The following HCK variants were observed in gnomAD, a reference collection of about 807,000 sequenced individuals.
The protein encoded by HCK is HCK proto-oncogene, Src family tyrosine kinase, also known as tyrosine-protein kinase HCK.
Under a neutral mutation model 70.4 loss-of-function variants are expected in HCK, and 40 were observed. The observed-to-expected ratio is 0.57, with a 90% CI of 0.44 to 0.74. The LOEUF is 0.74. HCK is among the 30% of genes least tolerant of loss of function. The probability of loss-of-function intolerance (pLI) is 0.00; values close to 1 mark genes in which losing one functional copy is unlikely to be tolerated. For synonymous variants in HCK, 245 were observed against 263.2 expected (o/e 0.93, Z 0.67); for missense variants, 568 against 697.2 (o/e 0.81, Z 2.09).
chr20:32,074,564 G>A (rs2045594014), intron 4 of HCK, 59 bp from the exon 5 acceptor site: 8 of 1,285,674 alleles, frequency 6.2e-6, no homozygotes, highest in Non-Finnish European at 7.9e-6. Flanking sequence ...TGGGGAGCTT[G>A]AGGAGACTGG....
intron 5 of HCK, among the ~76,000 whole-genome samples, chr20:32,076,004 C>T (rs939063051): frequency 2.6e-5 from 4 of 152,042 alleles, no homozygotes; most frequent in East Asian, 1.9e-4. Context: ...AAAATGAAAA[C>T]GCTTAGGCTT....
At chr20:32,091,196 A>C (rs1231914970) in intron 10 of HCK, among the ~76,000 whole-genome samples, 2 of 152,246 alleles carry the variant, frequency 1.3e-5, no homozygotes, top group Non-Finnish European at 2.9e-5. Context: ...TGTGAAAATC[A>C]GTAGCATATG....
chr20:32,094,571 G>C (rs2045907904), intron 11 of HCK, among the ~76,000 whole-genome samples: 1 of 151,734 alleles, frequency 6.6e-6, no homozygotes, highest in African/African-American at 2.4e-5. Flanking sequence ...GCCTGTAGTT[G>C]TGGCTACTCA....
intron 1 of HCK, among the ~76,000 whole-genome samples, chr20:32,063,911 T>A (rs2045416483): frequency 6.6e-6 from 1 of 151,610 alleles, no homozygotes; most frequent in Non-Finnish European, 1.5e-5. Context: ...TTTGCCTTGC[T>A]GCTGCAGGCC....
intron 11 of HCK, among the ~76,000 whole-genome samples, chr20:32,094,455 G>A (rs1361936659): frequency 6.6e-6 from 1 of 151,988 alleles, no homozygotes; most frequent in Non-Finnish European, 1.5e-5. Flanking sequence ...CAAGACTGGA[G>A]GACTGCTTGA....
In HCK at chr20:32,079,857, G is replaced by A. The variant is rs755143804; in HGVS notation, c.512G>A (p.Arg171Gln). 5.0e-6 allele frequency: 8 copies of A among 1,613,428 alleles called. No individual in the cohort carries two copies. Among genetic ancestry groups the A allele is most frequent in the South Asian group, 2.2e-5 (2 of 91,032 alleles). ...AACATGCTGGGCTCCTTCATGATCC[G>A]GGATAGCGAGACCACTAAAGGTGAC... The change falls in exon 6 of 13, where the codon CGG (arginine) becomes CAG (glutamine). Residue 171 changes from arginine to glutamine, a missense_variant. Physicochemically the swap from Arg to Gln is conservative, Grantham distance 43. Around this residue, in one of 4 missense-constraint regions of HCK, gnomAD observed 318 missense variants for 336.0 expected, o/e 0.95. Coordinates refer to ENST00000375852, the MANE Select transcript of HCK (RefSeq NM_002110.5).
At chr20:32,072,563 TA>T (rs199684278) in intron 2 of HCK, 1,206 of 63,204 alleles carry the variant, frequency 0.019, 12 homozygotes, top group African/African-American at 0.053. Flanking sequence ...CCTGTCTCTT[TA>T]AAAAAAAAAA....
At chr20:32,084,651 A>C in intron 8 of HCK, 108 bp downstream of exon 8, 1 of 998,390 alleles carries the variant, frequency 1.0e-6, no homozygotes, top group African/African-American at 1.6e-5. Context: ...CCCAAGGCAG[A>C]GGGGGAGATT....
intron 2 of HCK, chr20:32,072,262 C>T (rs2045552085): frequency 6.3e-6 from 1 of 158,974 alleles, no homozygotes; most frequent in Admixed American, 6.0e-5. Flanking sequence ...AGCAGTCATG[C>T]TAGGAGAGGT....
intron 5 of HCK, among the ~76,000 whole-genome samples, chr20:32,079,075 C>G (rs867757980): frequency 6.6e-6 from 1 of 152,160 alleles, no homozygotes; most frequent in Non-Finnish European, 1.5e-5. Context: ...CCAACTGCTC[C>G]TCACCCCAGT....
chr20:32,052,938 G>A (rs1256725020), intron 1 of HCK, among the ~76,000 whole-genome samples: 2 of 152,214 alleles, frequency 1.3e-5, no homozygotes, highest in African/African-American at 4.8e-5. Context: ...GTAGTTGGGC[G>A]GAGGCGTGAC....
At chr20:32,071,821 G>T (rs769065441) in intron 2 of HCK, 39 bp downstream of exon 2, 2 of 1,604,278 alleles carry the variant, frequency 1.2e-6, no homozygotes, top group South Asian at 1.1e-5. Context: ...GGGGCTGACG[G>T]ATGCTGCCCC....
intron 1 of HCK, among the ~76,000 whole-genome samples, chr20:32,058,874 A>G (rs2045318302): frequency 1.3e-5 from 2 of 152,226 alleles, no homozygotes; most frequent in South Asian, 2.1e-4. Context: ...GAGCCAGGGT[A>G]GAACAGGCTT....
rs1363353318 is a variant in HCK at position 32,052,358 on chromosome 20, C to T, written c.-67C>T. 1.7e-6 allele frequency: 2 copies of T among 1,159,512 alleles called. No individual in the cohort carries two copies. The highest frequency in any genetic ancestry group is 2.2e-6 in the Non-Finnish European group (2 of 896,182). The allele number at this position is 1,159,512 out of a possible 1,614,324, so 71.8% of individuals were successfully genotyped here. On this transcript the variant is annotated 5_prime_UTR_variant, in exon 1 of 13. Transcript: ENST00000375852. ...GCACCAAAGCCCCTCAGAGCGTCGC[C>T]CCCGCCTCTAGTTCTAGAAAGTCAG...
intron 6 of HCK, among the ~76,000 whole-genome samples, chr20:32,080,182 T>G (rs946904120): frequency 6.6e-6 from 1 of 152,132 alleles, no homozygotes; most frequent in African/African-American, 2.4e-5. Context: ...GTTTTTTCAT[T>G]TGTTTTGGTT....
chr20:32,097,858 ATAAT>A (rs2045978079), intron 11 of HCK, among the ~76,000 whole-genome samples: 1 of 152,064 alleles, frequency 6.6e-6, no homozygotes, highest in Non-Finnish European at 1.5e-5. Flanking sequence ...CAACCATGAT[ATAAT>A]TAAACTAAAC....
In HCK at chr20:32,086,494, TC is replaced by T. The variant is rs971149786; in HGVS notation, c.836-133del. 3 of 717,190 alleles carry T rather than the reference TC, an allele frequency of 4.2e-6. No individual in the cohort carries two copies. The African/African-American group carries it at 5.5e-5, about 13-fold the overall frequency. The allele number at this position is 717,190 out of a possible 1,614,324, so 44.4% of individuals were successfully genotyped here. A position where few individuals can be genotyped will look rare whatever the true frequency, so the allele number is the denominator to read the frequency against. On this transcript the variant is annotated intron_variant, in intron 8 of 12. Coordinates refer to ENST00000375852, the MANE Select transcript of HCK (RefSeq NM_002110.5). The stretch of plus-strand genomic sequence containing the variant: ...TTGTCTGAGGCCTAAGCCCATGATT[TC>T]GCTTCCCTCTCTGAGAGTTGAGATG...
At chr20:32,074,824 C>T in intron 5 of HCK, 103 bp downstream of exon 5, 1 of 774,418 alleles carries the variant, frequency 1.3e-6, no homozygotes, top group South Asian at 1.5e-5. Flanking sequence ...CTGGCACATA[C>T]TCTTCCCAGG....
rs994490993 is a variant in HCK, at chr20:32,083,821, G to A, written c.533-73G>A. 1.9e-6 allele frequency: 3 copies of A among 1,549,998 alleles called. No homozygotes were observed. The African/African-American group carries it at 4.1e-5, about 21-fold the overall frequency. ...ACGGTGCCAGCGGTAGCCTTACAGG[G>A]TGTCAGAGTGCTAATGCAAGGTGGC... On this transcript the variant is annotated intron_variant, in intron 6 of 12. Coordinates refer to ENST00000375852, the MANE Select transcript of HCK (RefSeq NM_002110.5).
Sources: allele counts gnomAD v4.1 joint callset (sites outside exome capture counted in the v4.1 genomes callset), GRCh38; gene constraint gnomAD v4.1.1; regional missense constraint gnomAD v4.1.1; transcripts MANE v1.5; gene names NCBI Gene and HGNC (gene_info 2026-07-23, HGNC 2026-07-21).